CAV2: variants seen among roughly 807,000 people sequenced by gnomAD.
CAV2 encodes the protein caveolin-2.
In CAV2, 7 loss-of-function variants were observed where a neutral mutation model predicts 15.5. That is an observed-to-expected ratio of 0.45 (90% CI 0.26 to 0.85). The LOEUF is 0.85. Ranked by LOEUF, CAV2 falls within the 40% of genes least tolerant of loss-of-function variation. The pLI is 0.18. For missense variants in CAV2, 229 were observed against 208.8 expected, an observed-to-expected ratio of 1.10 and a Z score of -0.60; for synonymous variants, 76 against 83.1, an observed-to-expected ratio of 0.91 and a Z score of 0.46.
In CAV2 at chr7:116,508,133, C is replaced by G. The variant is rs1272105981; in HGVS notation, c.*2012C>G. On this transcript the variant is annotated 3_prime_UTR_variant, in exon 3 of 3. Transcript: ENST00000222693. Reference sequence around the variant, plus strand: ...ATGTTAGTTTAAAAGGTCAATCAGCCTCATGACTTTATAGTTATGTCTTGT... The same window carrying G: ...ATGTTAGTTTAAAAGGTCAATCAGCGTCATGACTTTATAGTTATGTCTTGT... The G allele has an allele frequency of 6.6e-6, 1 of 152,128 alleles. No individual in the cohort carries two copies. Among genetic ancestry groups the G allele is most frequent in the East Asian group, 1.9e-4 (1 of 5,204 alleles). The allele number at this position is 152,128 out of a possible 1,614,324, so 9.4% of individuals were successfully genotyped here.
rs554573605 is a variant in CAV2, at chr7:116,507,655, G to T, written c.*1534G>T. On this transcript the variant is annotated 3_prime_UTR_variant, in exon 3 of 3. Transcript: ENST00000222693. ...GCCACTGCACTCCCGCCTGGCAACA[G>T]AGCAAGAGTCTGTCTCAAAAAAAAA... The T allele has an allele frequency of 7.0e-6, 1 of 143,784 alleles. No individual in the cohort carries two copies. Among genetic ancestry groups the T allele is most frequent in the Non-Finnish European group, 1.5e-5 (1 of 66,540 alleles). The allele number at this position is 143,784 out of a possible 1,614,324, so 8.9% of individuals were successfully genotyped here.
chr7:116,505,795 A>G (rs10271007), intron 2 of CAV2, among the ~76,000 whole-genome samples, 176 bp from the exon 3 acceptor site: 74,321 of 151,998 alleles, frequency 0.49, 18,790 homozygotes, highest in East Asian at 0.77. Context: ...TCAAAATGAG[A>G]GTCAGGGGGA....
intron 2 of CAV2, among the ~76,000 whole-genome samples, chr7:116,504,792 G>A (rs1432776755): frequency 2.0e-5 from 3 of 152,150 alleles, no homozygotes; most frequent in Non-Finnish European, 4.4e-5. Context: ...AGGATATGCA[G>A]CTATGTTAGG....
chr7:116,503,907 GAGGGAGGAAGGA>G (rs1265922103), intron 2 of CAV2, among the ~76,000 whole-genome samples: 1 of 8,758 alleles, frequency 1.1e-4, no homozygotes, highest in Non-Finnish European at 2.8e-4. Context: ...GGGAGGGAGG[GAGGGAGGAAGGA>G]AGGAAGGGAG....
At chr7:116,504,891 A>T (rs1179564126) in intron 2 of CAV2, among the ~76,000 whole-genome samples, 1 of 152,210 alleles carries the variant, frequency 6.6e-6, no homozygotes, top group East Asian at 1.9e-4. Flanking sequence ...TTTCAACTAT[A>T]CCATACAGCC....
chr7:116,502,666 C>T (rs1793130997), intron 2 of CAV2, among the ~76,000 whole-genome samples: 1 of 151,948 alleles, frequency 6.6e-6, no homozygotes, highest in South Asian at 2.1e-4. Context: ...TTAGTGGTGA[C>T]CAAAGCTAGG....
At chr7:116,500,559 A>T (rs1584753598) in intron 2 of CAV2, 112 bp downstream of exon 2, 1 of 1,026,526 alleles carries the variant, frequency 9.7e-7, no homozygotes. Flanking sequence ...AGGAACGCGC[A>T]TCAGTTCCCA....
At chr7:116,500,726 C>T (rs1431084810) in intron 2 of CAV2, 1 of 380,788 alleles carries the variant, frequency 2.6e-6, no homozygotes, top group African/African-American at 2.1e-5. Context: ...AGGCGGGTAC[C>T]TGGAAGCCAC....
rs1194838753 is a variant in CAV2 at position 116,506,009 on chromosome 7, T to G, written c.377T>G (p.Leu126Arg). Reference sequence around the variant, plus strand: ...TTTGTAAAGACCTGCCTAATGGTTCTGCCTTCAGTGCAGACAATATGGAAG... The same window carrying G: ...TTTGTAAAGACCTGCCTAATGGTTCGGCCTTCAGTGCAGACAATATGGAAG... ...MPFVKTCLMV[L>R]PSVQTIWKSV... The change falls in exon 3 of 3, where the codon CTG (leucine) becomes CGG (arginine). Residue 126 changes from leucine to arginine, a missense_variant. Physicochemically the swap from Leu to Arg is moderately radical, Grantham distance 102. Transcript: ENST00000222693. 2 of 1,613,872 alleles carry G rather than the reference T, an allele frequency of 1.2e-6. No individual in the cohort carries two copies.
Position 116,508,319 on chromosome 7 carries a change from A to G in CAV2, c.*2198A>G, listed in dbSNP as rs1338857233. ...CATAGTTCTGTAATAAAACTGTTTGACTTCTCAAGTAACATGACTTCCTTA... is the reference window on the plus strand; with the variant it reads ...CATAGTTCTGTAATAAAACTGTTTGGCTTCTCAAGTAACATGACTTCCTTA... On this transcript the variant is annotated 3_prime_UTR_variant, in exon 3 of 3. Coordinates refer to ENST00000222693, the MANE Select transcript of CAV2 (RefSeq NM_001233.5). 6.6e-6 allele frequency: 1 copy of G among 151,656 alleles called. No individual in the cohort carries two copies. Among genetic ancestry groups the G allele is most frequent in the African/African-American group, 2.4e-5 (1 of 41,288 alleles). The allele number at this position is 151,656 out of a possible 1,614,324, so 9.4% of individuals were successfully genotyped here. A position where few individuals can be genotyped will look rare whatever the true frequency, so the allele number is the denominator to read the frequency against.
Position 116,506,208 on chromosome 7 carries a change from C to A in CAV2, c.*87C>A. ...AAAGCACCACTGTTCTGTTCATTTC[C>A]TAGCTGTTCTAATTAAGAAAACTAT... On this transcript the variant is annotated 3_prime_UTR_variant, in exon 3 of 3. Coordinates refer to ENST00000222693, the MANE Select transcript of CAV2 (RefSeq NM_001233.5). 1 of 1,300,356 alleles carries A rather than the reference C, an allele frequency of 7.7e-7. No individual in the cohort carries two copies. 80.6% of individuals were successfully genotyped at this position (1,300,356 alleles called of 1,614,324 possible).
Position 116,500,319 on chromosome 7 carries a change from G to T in CAV2, c.210G>T (p.Trp70Cys), listed in dbSNP as rs368012050. 3.4e-5 allele frequency: 55 copies of T among 1,614,116 alleles called. No homozygotes were observed. Among genetic ancestry groups the T allele is most frequent in the Non-Finnish European group, 3.4e-6 (4 of 1,180,048 alleles). ...CTACGCACTCCTTTGACAAAGTGTGGATCTGCAGCCATGCCCTCTTTGAAA... is the reference window on the plus strand; with the variant it reads ...CTACGCACTCCTTTGACAAAGTGTGTATCTGCAGCCATGCCCTCTTTGAAA... ...PVTTHSFDKVWICSHALFEIS... is the reference protein window; with the variant it reads ...PVTTHSFDKVCICSHALFEIS... Residue 70 changes from tryptophan (W) to cysteine (C), a missense_variant, in exon 2 of 3, where the codon TGG becomes TGT. Transcript: ENST00000222693.
Position 116,506,145 on chromosome 7 carries a change from A to G in CAV2, c.*24A>G, listed in dbSNP as rs899486311. ...GAATACTTGGACCCCAGGTCTGGAG[A>G]TTGGGATACTGTAATACTTCTTTGT... On this transcript the variant is annotated 3_prime_UTR_variant, in exon 3 of 3. Transcript: ENST00000222693. The G allele has an allele frequency of 6.2e-7, 1 of 1,612,344 alleles. No individual in the cohort carries two copies. The highest frequency in any genetic ancestry group is 8.5e-7 in the Non-Finnish European group (1 of 1,178,504).
Position 116,507,609 on chromosome 7 carries a change from G to T in CAV2, c.*1488G>T, listed in dbSNP as rs913830890. ...AATTGCTTGAACCTGGGAGGCAGAG[G>T]TTGCAGTGAGCCAAAATCATGCCAC... On this transcript the variant is annotated 3_prime_UTR_variant, in exon 3 of 3. Coordinates refer to ENST00000222693, the MANE Select transcript of CAV2 (RefSeq NM_001233.5). 3 of 150,926 alleles carry T rather than the reference G, an allele frequency of 2.0e-5. No individual in the cohort carries two copies. The highest frequency in any genetic ancestry group is 7.3e-5 in the African/African-American group (3 of 40,898). 9.3% of individuals were successfully genotyped at this position (150,926 alleles called of 1,614,324 possible).
Position 116,500,289 on chromosome 7 carries a change from G to A in CAV2, c.180G>A (p.Pro60=), listed in dbSNP as rs199880412. ...GCTTCGAGGATGTGATCGCAGAGCC[G>A]GTGACTACGCACTCCTTTGACAAAG... ...KLGFEDVIAE[P]VTTHSFDKVW... Residue 60 remains proline (P), a synonymous_variant, in exon 2 of 3, where the codon CCG becomes CCA. Transcript: ENST00000222693. 2 of 1,614,052 alleles carry A rather than the reference G, an allele frequency of 1.2e-6. No homozygotes were observed. Among genetic ancestry groups the A allele is most frequent in the East Asian group, 2.2e-5 (1 of 44,892 alleles).
Position 116,500,362 on chromosome 7 carries a change from T to C in CAV2, c.253T>C (p.Tyr85His), listed in dbSNP as rs1793072008. 4.3e-6 allele frequency: 7 copies of C among 1,614,110 alleles called. No individual in the cohort carries two copies. The highest frequency in any genetic ancestry group is 5.1e-6 in the Non-Finnish European group (6 of 1,180,022). The part of the protein sequence containing the change: ...ALFEISKYVM[Y>H]KFLTVFLAIP... ...CTTTGAAATCAGCAAATACGTAATGTACAAGTTCCTGACGGTGTTCCTGGC... is the reference window on the plus strand; with the variant it reads ...CTTTGAAATCAGCAAATACGTAATGCACAAGTTCCTGACGGTGTTCCTGGC... The change falls in exon 2 of 3, where the codon TAC (tyrosine) becomes CAC (histidine). Residue 85 changes from tyrosine to histidine, a missense_variant. By Grantham distance (83) the Tyr-to-His change is moderately conservative. Transcript: ENST00000222693.
At chr7:116,503,963 GAGAA>G (rs1563086004) in intron 2 of CAV2, among the ~76,000 whole-genome samples, 10 of 130,286 alleles carry the variant, frequency 7.7e-5, no homozygotes, top group Admixed American at 3.9e-4. Context: ...GAAAGAAAAA[GAGAA>G]AGAAGGAAAG....
chr7:116,500,556 C>A, intron 2 of CAV2, 109 bp downstream of exon 2: 1 of 1,043,722 alleles, frequency 9.6e-7, no homozygotes, highest in Non-Finnish European at 1.4e-6. Context: ...AGGAGGAACG[C>A]GCATCAGTTC....
intron 2 of CAV2, 32 bp downstream of exon 2, chr7:116,500,479 T>C (rs1288256696): frequency 6.3e-7 from 1 of 1,595,134 alleles, no homozygotes; most frequent in East Asian, 2.2e-5. Context: ...GGACCGGCTT[T>C]CTGAAACATG....
Sources: allele counts gnomAD v4.1 joint callset (sites outside exome capture counted in the v4.1 genomes callset), GRCh38; gene constraint gnomAD v4.1.1; transcripts MANE v1.5; gene names NCBI Gene and HGNC (gene_info 2026-07-23, HGNC 2026-07-21).